CAMK2G: variants seen among roughly 807,000 people sequenced by gnomAD.
The protein encoded by CAMK2G is calcium/calmodulin-dependent protein kinase type II subunit gamma.
CAMK2G carries 23 observed loss-of-function variants against 88.7 expected under a neutral mutation model. The ratio of observed to expected loss-of-function variants is 0.26; its 90% CI spans 0.19 to 0.37. CAMK2G has a LOEUF of 0.37. Among genes scored for constraint, CAMK2G ranks in the 10% least tolerant of loss-of-function variants. The pLI is 1.00. For missense variants in CAMK2G, 476 were observed against 780.8 expected, an observed-to-expected ratio of 0.61 and a Z score of 4.65; for synonymous variants, 263 against 294.8, an observed-to-expected ratio of 0.89 and a Z score of 1.11.
chr10:73,852,548 C>A, intron 4 of CAMK2G: 2 of 548,358 alleles, frequency 3.6e-6, no homozygotes, highest in Non-Finnish European at 6.5e-6. Flanking sequence ...TTCCAAAATG[C>A]ACAGATTCAC....
At chr10:73,840,733 A>G (rs2093707888) in intron 12 of CAMK2G, among the ~76,000 whole-genome samples, 1 of 152,234 alleles carries the variant, frequency 6.6e-6, no homozygotes, top group Non-Finnish European at 1.5e-5. Context: ...TGGCTGGGCT[A>G]AAAGAGAAGC....
chr10:73,823,053 G>C (rs899588664), intron 17 of CAMK2G, among the ~76,000 whole-genome samples: 1 of 151,968 alleles, frequency 6.6e-6, no homozygotes, highest in Non-Finnish European at 1.5e-5. Flanking sequence ...GTAGAGATGG[G>C]GTTTTGCCAT....
chr10:73,835,982 C>T (rs932855538), intron 14 of CAMK2G, among the ~76,000 whole-genome samples: 4 of 151,962 alleles, frequency 2.6e-5, no homozygotes, highest in East Asian at 3.9e-4. Context: ...TTACAGGCAC[C>T]GGTCATTATG....
chr10:73,863,250 T>C (rs1005357126), intron 2 of CAMK2G, among the ~76,000 whole-genome samples: 4 of 152,148 alleles, frequency 2.6e-5, no homozygotes, highest in African/African-American at 9.7e-5. Flanking sequence ...GGGTTCAGCA[T>C]GACCACCGAC....
chr10:73,872,306 C>CTTGGAGGCAGTGCAGT (rs1555089595), intron 2 of CAMK2G, among the ~76,000 whole-genome samples: 25 of 151,780 alleles, frequency 1.6e-4, no homozygotes, highest in Non-Finnish European at 2.9e-4. Flanking sequence ...GCTCCTCAGA[C>CTTGGAGGCAGTGCAGT]TCGGAGGCAG....
chr10:73,819,728 A>G, intron 18 of CAMK2G, 83 bp from the exon 19 acceptor site: 1 of 835,132 alleles, frequency 1.2e-6, no homozygotes, highest in South Asian at 1.7e-5. Flanking sequence ...AGCAAGCCAG[A>G]CAGGCCCCGA....
At chr10:73,820,329 A>G (rs2087500440) in intron 18 of CAMK2G, among the ~76,000 whole-genome samples, 1 of 151,550 alleles carries the variant, frequency 6.6e-6, no homozygotes, top group Non-Finnish European at 1.5e-5. Context: ...AGTGGTCCTT[A>G]CGGGCCCACC....
At position 73,874,463 on chromosome 10, in the gene CAMK2G, C is replaced by A. The variant is rs1275111571; in HGVS notation, c.-2G>T. The A allele has an allele frequency of 1.3e-6, 2 of 1,498,644 alleles. No homozygotes were observed. Among genetic ancestry groups the A allele is most frequent in the Non-Finnish European group, 1.8e-6 (2 of 1,113,412 alleles). 92.8% of individuals were successfully genotyped at this position (1,498,644 alleles called of 1,614,324 possible). A position where few individuals can be genotyped will look rare whatever the true frequency, so the allele number is the denominator to read the frequency against. ...GGTGCAGGTGGCGGTGGTGGCCATG[C>A]TGGCGGGCGGGCGGACGCGGCGGTG... On this transcript the variant is annotated 5_prime_UTR_variant, in exon 1 of 23. Coordinates refer to ENST00000423381, the MANE Select transcript of CAMK2G (RefSeq NM_001367534.1).
Position 73,842,454 on chromosome 10 carries a change from T to C in CAMK2G, c.903+4A>G. 6.2e-7 allele frequency: 1 copy of C among 1,607,220 alleles called. No individual in the cohort carries two copies. Among genetic ancestry groups the C allele is most frequent in the Non-Finnish European group, 8.5e-7 (1 of 1,173,652 alleles). ...GAGGCTGGCAGCCTAGAAACGACACTCACCTTCAGTTTTCTCCGGGCATTG... is the reference window on the plus strand; with the variant it reads ...GAGGCTGGCAGCCTAGAAACGACACCCACCTTCAGTTTTCTCCGGGCATTG... On this transcript the variant is annotated splice_donor_region_variant and intron_variant, in intron 11 of 22. Transcript: ENST00000423381. This position sits in a 1 kb window ranked among gnomAD's most constrained non-coding sequence, Gnocchi z 4.6.
At chr10:73,845,915 T>C (rs534536751) in intron 10 of CAMK2G, among the ~76,000 whole-genome samples, 3 of 151,354 alleles carry the variant, frequency 2.0e-5, no homozygotes, top group African/African-American at 7.3e-5. Context: ...TTTTTTTTTT[T>C]TTTTTTTTAA....
intron 21 of CAMK2G, chr10:73,816,546 T>C: frequency 2.8e-6 from 2 of 713,476 alleles, no homozygotes; most frequent in Admixed American, 3.8e-5. Context: ...CTGCAAGCTC[T>C]GCCTCCCAGG....
At chr10:73,873,183 C>G (rs1239779109) in intron 1 of CAMK2G, 100 bp from the exon 2 acceptor site, 1 of 993,892 alleles carries the variant, frequency 1.0e-6, no homozygotes, top group African/African-American at 1.6e-5. Flanking sequence ...CACCAGACCT[C>G]TAGTCACACT....
intron 19 of CAMK2G, 89 bp downstream of exon 19, chr10:73,819,443 G>C (rs2086969794): frequency 1.1e-6 from 1 of 886,464 alleles, no homozygotes; most frequent in Non-Finnish European, 1.8e-6. Context: ...GGGCAGGTGG[G>C]TGGGACTGAC....
intron 18 of CAMK2G, 149 bp downstream of exon 18, chr10:73,821,533 G>A (rs569992176): frequency 4.5e-4 from 285 of 631,786 alleles, no homozygotes; most frequent in African/African-American, 3.9e-3. Context: ...ATCTTGGCTC[G>A]TGGAAAGTAG....
chr10:73,871,789 C>A (rs1327777172), intron 2 of CAMK2G, among the ~76,000 whole-genome samples: 1 of 152,126 alleles, frequency 6.6e-6, no homozygotes, highest in African/African-American at 2.4e-5. Flanking sequence ...TAGTGCCCTA[C>A]TAGAGGGATG....
At chr10:73,844,150 T>C (rs141899502) in intron 10 of CAMK2G, among the ~76,000 whole-genome samples, 1,609 of 152,196 alleles carry the variant, frequency 0.011, 22 homozygotes, top group East Asian at 0.053. Flanking sequence ...TGGAGTGCAG[T>C]AGCACAATAA....
In CAMK2G at chr10:73,863,637, G is replaced by A. The variant is rs370499817; in HGVS notation, c.161-2748C>T. ...GAGGTGGCAGCTGAGGGAAGGCCCA[G>A]AAGATTAATGTTTATCTCCTTCCTT... On this transcript the variant is annotated intron_variant, in intron 2 of 22. Coordinates refer to ENST00000423381, the MANE Select transcript of CAMK2G (RefSeq NM_001367534.1). 2.3e-4 allele frequency among the ~76,000 whole-genome samples: 35 copies of A among 152,352 alleles called. No homozygotes were observed. In the East Asian group the frequency reaches 6.0e-3, roughly 26 times the overall value.
At chr10:73,851,740 A>AT (rs530803443) in intron 5 of CAMK2G, among the ~76,000 whole-genome samples, 1,550 of 63,178 alleles carry the variant, frequency 0.025, 25 homozygotes, top group South Asian at 0.029. Flanking sequence ...TTTGGAAGTG[A>AT]TTTTTTTTGT....
Position 73,847,999 on chromosome 10 carries a change from C to A in CAMK2G, c.685G>T (p.Gly229Ter). Residue 229 changes from glycine (G) to a stop codon, truncating the protein, a stop_gained, in exon 9 of 23, where the codon GGA (glycine) becomes TGA (stop). Coordinates refer to ENST00000423381, the MANE Select transcript of CAMK2G (RefSeq NM_001367534.1). LOFTEE classifies it high-confidence loss of function. ...TCTCTGGTCCTTACATCATAGGCTCCAGCCTTGATCTGCTGATACAGCTTG... is the reference window on the plus strand; with the variant it reads ...TCTCTGGTCCTTACATCATAGGCTCAAGCCTTGATCTGCTGATACAGCTTG... ...QHKLYQQIKA[G>*]AYDFPSPEWD... The A allele has an allele frequency of 6.2e-7, 1 of 1,606,938 alleles. No individual in the cohort carries two copies. Among genetic ancestry groups the A allele is most frequent in the Non-Finnish European group, 8.5e-7 (1 of 1,173,696 alleles).
Sources: allele counts gnomAD v4.1 joint callset (sites outside exome capture counted in the v4.1 genomes callset), GRCh38; gene constraint gnomAD v4.1.1; non-coding constraint Gnocchi (gnomAD v3.1); transcripts MANE v1.5; gene names NCBI Gene and HGNC (gene_info 2026-07-23, HGNC 2026-07-21).